CHL1: variants seen among roughly 807,000 people sequenced by gnomAD.
CHL1 encodes the protein cell adhesion molecule L1 like, also known as neural cell adhesion molecule L1-like protein.
CHL1 carries 96 observed loss-of-function variants against 141.9 expected under a neutral mutation model. The ratio of observed to expected loss-of-function variants is 0.68; its 90% CI spans 0.57 to 0.80. The LOEUF is 0.80. Ranked by LOEUF, CHL1 falls within the 30% of genes least tolerant of loss-of-function variation. CHL1 has a pLI of 0.00. For missense variants in CHL1, 1,820 were observed against 1,457.2 expected, an observed-to-expected ratio of 1.25 and a Z score of -4.05; for synonymous variants, 613 against 502.2, an observed-to-expected ratio of 1.22 and a Z score of -2.95.
intron 2 of CHL1, among the ~76,000 whole-genome samples, chr3:315,387 C>T (rs1700084089): frequency 6.6e-6 from 1 of 152,136 alleles, no homozygotes; most frequent in South Asian, 2.1e-4. Flanking sequence ...GCCACAGTAG[C>T]TTTGCACTTA....
chr3:201,918 A>G (rs1303009931), intron 1 of CHL1, among the ~76,000 whole-genome samples: 1 of 152,194 alleles, frequency 6.6e-6, no homozygotes, highest in Non-Finnish European at 1.5e-5. Context: ...TTTAGTGTGC[A>G]TCACAATTTC....
intron 10 of CHL1, among the ~76,000 whole-genome samples, chr3:352,449 A>G (rs1703352021): frequency 6.6e-6 from 1 of 152,230 alleles, no homozygotes. Context: ...TGTTTCCAGC[A>G]ACATGAGAAA....
intron 2 of CHL1, among the ~76,000 whole-genome samples, chr3:290,717 T>A (rs1049546796): frequency 6.6e-6 from 1 of 152,130 alleles, no homozygotes; most frequent in East Asian, 1.9e-4. Flanking sequence ...CTTTATGGAA[T>A]TGCTGAGAAC....
chr3:239,136 C>T (rs980864942), intron 1 of CHL1, among the ~76,000 whole-genome samples: 3 of 151,988 alleles, frequency 2.0e-5, no homozygotes, highest in South Asian at 4.2e-4. Flanking sequence ...CTCAAGTGTC[C>T]CTCCCGGCTT....
intron 2 of CHL1, among the ~76,000 whole-genome samples, chr3:276,622 G>A (rs973740819): frequency 1.3e-4 from 20 of 152,076 alleles, no homozygotes; most frequent in Non-Finnish European, 2.1e-4. Context: ...GGGCACGGTG[G>A]CTCACACCTG....
At chr3:370,812 T>C (rs1213102835) in intron 15 of CHL1, among the ~76,000 whole-genome samples, 2 of 152,234 alleles carry the variant, frequency 1.3e-5, no homozygotes, top group African/African-American at 4.8e-5. Flanking sequence ...TGTGTCTTTG[T>C]TCTCATTGGT....
intron 2 of CHL1, among the ~76,000 whole-genome samples, chr3:284,068 A>C (rs1034802146): frequency 1.3e-5 from 2 of 152,214 alleles, no homozygotes; most frequent in East Asian, 3.8e-4. Context: ...GTACTTTGCC[A>C]GGTAGAGGGG....
intron 2 of CHL1, among the ~76,000 whole-genome samples, chr3:283,224 C>T (rs532440642): frequency 2.6e-5 from 4 of 152,192 alleles, no homozygotes; most frequent in East Asian, 1.9e-4. Context: ...ATTCTCTTCA[C>T]GAATATCATT....
intron 2 of CHL1, among the ~76,000 whole-genome samples, chr3:273,400 A>G (rs995411330): frequency 6.6e-6 from 1 of 152,168 alleles, no homozygotes; most frequent in Non-Finnish European, 1.5e-5. Flanking sequence ...TTTTTCCACA[A>G]GCTCTTAAGC....
intron 15 of CHL1, among the ~76,000 whole-genome samples, chr3:375,437 C>G (rs896934340): frequency 1.3e-4 from 19 of 151,754 alleles, no homozygotes; most frequent in Admixed American, 1.2e-3. Flanking sequence ...TTTTTTCCCC[C>G]TCCAGAAATA....
Position 390,761 on chromosome 3 carries a change from T to A in CHL1, c.2531T>A (p.Val844Asp). Residue 844 changes from valine (V) to aspartate (D), a missense_variant, in exon 21 of 28, where the codon GTT becomes GAT. Val to Asp is a radical substitution (Grantham distance 152). Transcript: ENST00000256509. The stretch of plus-strand genomic sequence containing the variant: ...GTTATAAACAGTACATTAGTTAAAG[T>A]TACCTGGTCAACAGTTCCAAAGGAC... ...VDVINSTLVK[V>D]TWSTVPKDRV... 6.2e-7 allele frequency: 1 copy of A among 1,612,954 alleles called. No homozygotes were observed. Among genetic ancestry groups the A allele is most frequent in the South Asian group, 1.1e-5 (1 of 91,070 alleles).
At chr3:232,922 G>A (rs969234591) in intron 1 of CHL1, among the ~76,000 whole-genome samples, 1 of 151,982 alleles carries the variant, frequency 6.6e-6, no homozygotes, top group Admixed American at 6.6e-5. Flanking sequence ...AAAGAAACCA[G>A]GGAGCACTTA....
chr3:378,760 G>C (rs573401731), intron 16 of CHL1, among the ~76,000 whole-genome samples: 1 of 152,166 alleles, frequency 6.6e-6, no homozygotes, highest in African/African-American at 2.4e-5. Flanking sequence ...GGCTTCTGCA[G>C]ACAGGGTCTC....
Position 390,967 on chromosome 3 carries a change from A to G in CHL1, c.2599A>G (p.Lys867Glu). The change falls in exon 22 of 28, where the codon AAA becomes GAA. Residue 867 changes from lysine to glutamate, a missense_variant. Transcript: ENST00000256509. ...GTTTTCATTGCAGATAAATTGGTGG[A>G]AAACAAAAAGTCTGTTGGATGGAAG... Reference protein sequence around the residue: ...RLKGYQINWWKTKSLLDGRTH... With the variant: ...RLKGYQINWWETKSLLDGRTH... The G allele has an allele frequency of 6.2e-7, 1 of 1,613,830 alleles. No homozygotes were observed. Among genetic ancestry groups the G allele is most frequent in the Non-Finnish European group, 8.5e-7 (1 of 1,179,772 alleles).
At chr3:341,078 A>G (rs1229270004) in intron 6 of CHL1, among the ~76,000 whole-genome samples, 162 bp downstream of exon 6, 1 of 152,216 alleles carries the variant, frequency 6.6e-6, no homozygotes, top group Non-Finnish European at 1.5e-5. Context: ...GTCTGTGAAG[A>G]CAATACTTCC....
intron 19 of CHL1, among the ~76,000 whole-genome samples, chr3:385,515 G>T (rs981364255): frequency 1.3e-5 from 2 of 152,128 alleles, no homozygotes; most frequent in Non-Finnish European, 2.9e-5. Context: ...CTCTCTTCTT[G>T]TAAGAATGGG....
chr3:351,926 A>G (rs1284905311), intron 10 of CHL1, among the ~76,000 whole-genome samples: 1 of 152,176 alleles, frequency 6.6e-6, no homozygotes, highest in East Asian at 1.9e-4. Flanking sequence ...GAGATATATT[A>G]TAGTGACATC....
intron 2 of CHL1, among the ~76,000 whole-genome samples, chr3:294,650 C>T (rs910123406): frequency 1.4e-5 from 2 of 147,758 alleles, no homozygotes; most frequent in Non-Finnish European, 1.5e-5. Context: ...CCTTTTTTTT[C>T]CAAATATAGA....
intron 2 of CHL1, among the ~76,000 whole-genome samples, chr3:249,471 C>T (rs1693482641): frequency 6.6e-6 from 1 of 152,128 alleles, no homozygotes; most frequent in Non-Finnish European, 1.5e-5. Context: ...ATCTACCTTT[C>T]TTAAGGATAG....
Sources: gnomAD v4.1 joint callset for allele counts (sites outside exome capture counted in the v4.1 genomes callset) on GRCh38, gnomAD v4.1.1 for gene constraint, MANE v1.5 for transcripts, NCBI Gene and HGNC (gene_info 2026-07-23, HGNC 2026-07-21) for gene names.